LRRTM4: variants seen among roughly 807,000 people sequenced by gnomAD.
LRRTM4 encodes the protein leucine rich repeat transmembrane neuronal 4, also known as leucine-rich repeat transmembrane neuronal protein 4.
LRRTM4 carries 25 observed loss-of-function variants against 47.6 expected under a neutral mutation model. The ratio of observed to expected loss-of-function variants is 0.53; its 90% CI spans 0.38 to 0.73. The LOEUF (loss-of-function observed/expected upper bound fraction) is 0.73, where lower values mean the gene tolerates loss of function less well. Among genes scored for constraint, LRRTM4 ranks in the 30% least tolerant of loss-of-function variants. LRRTM4 has a pLI of 0.00. For missense variants in LRRTM4, 638 were observed against 713.4 expected, an observed-to-expected ratio of 0.89 and a Z score of 1.20; for synonymous variants, 311 against 269.5, an observed-to-expected ratio of 1.15 and a Z score of -1.51.
At chr2:77,395,111 T>C (rs909643551) in intron 3 of LRRTM4, among the ~76,000 whole-genome samples, 1 of 151,952 alleles carries the variant, frequency 6.6e-6, no homozygotes, top group Non-Finnish European at 1.5e-5. Flanking sequence ...GGCATCTTAC[T>C]GGGCCACAAA....
At chr2:76,794,445 ATAGTTGT>A (rs1675150352) in intron 3 of LRRTM4, among the ~76,000 whole-genome samples, 1 of 152,174 alleles carries the variant, frequency 6.6e-6, no homozygotes, top group South Asian at 2.1e-4. Context: ...CTATTTTGTT[ATAGTTGT>A]GAACAATAGT....
intron 3 of LRRTM4, among the ~76,000 whole-genome samples, chr2:77,073,865 C>T (rs1385285796): frequency 6.6e-6 from 1 of 151,788 alleles, no homozygotes; most frequent in Non-Finnish European, 1.5e-5. Context: ...TTCTGGGAAT[C>T]TGGTGAAGCT....
At chr2:77,001,682 G>C (rs1335718086) in intron 3 of LRRTM4, among the ~76,000 whole-genome samples, 1 of 152,040 alleles carries the variant, frequency 6.6e-6, no homozygotes, top group Non-Finnish European at 1.5e-5. Flanking sequence ...GGCCATGTAA[G>C]GTATTCCAAA....
At chr2:77,351,461 T>A (rs1671767403) in intron 3 of LRRTM4, among the ~76,000 whole-genome samples, 1 of 151,798 alleles carries the variant, frequency 6.6e-6, no homozygotes, top group Non-Finnish European at 1.5e-5. Flanking sequence ...CCACCAGCAG[T>A]AGGATAGTTG....
chr2:77,281,124 A>G (rs1676495704), intron 3 of LRRTM4, among the ~76,000 whole-genome samples: 1 of 151,944 alleles, frequency 6.6e-6, no homozygotes, highest in African/African-American at 2.4e-5. Flanking sequence ...CAAGAGTTTC[A>G]TCTGAAATCA....
intron 3 of LRRTM4, among the ~76,000 whole-genome samples, chr2:77,126,205 ATTG>A (rs1399526081): frequency 6.6e-6 from 1 of 152,034 alleles, no homozygotes; most frequent in African/African-American, 2.4e-5. Flanking sequence ...TGCCTTGATT[ATTG>A]TTTATTTAAA....
chr2:77,160,082 A>G (rs2919058), intron 3 of LRRTM4, among the ~76,000 whole-genome samples: 88,031 of 152,042 alleles, frequency 0.58, 28,581 homozygotes, highest in Admixed American at 0.71. Flanking sequence ...CAAGATGCAT[A>G]TCTTCAAACC....
intron 3 of LRRTM4, among the ~76,000 whole-genome samples, chr2:76,776,480 G>A (rs901694329): frequency 9.2e-5 from 14 of 151,974 alleles, no homozygotes; most frequent in Admixed American, 2.6e-4. Context: ...TCTCATTGTG[G>A]TTTTGATTTG....
At chr2:77,385,813 T>C (rs898872548) in intron 3 of LRRTM4, among the ~76,000 whole-genome samples, 24 of 147,054 alleles carry the variant, frequency 1.6e-4, no homozygotes, top group African/African-American at 5.8e-4. Context: ...CGTGGCACGA[T>C]CTCAGCTCGG....
intron 3 of LRRTM4, among the ~76,000 whole-genome samples, chr2:76,830,743 A>G (rs565724457): frequency 1.2e-4 from 18 of 152,178 alleles, no homozygotes; most frequent in Admixed American, 1.1e-3. Context: ...AAAACAAGAA[A>G]TGGGGAGATT....
At chr2:77,258,761 A>T (rs189513772) in intron 3 of LRRTM4, among the ~76,000 whole-genome samples, 18,582 of 151,788 alleles carry the variant, frequency 0.12, 3,811 homozygotes, top group African/African-American at 0.42. Context: ...TTATTTTTAA[A>T]AAAAAAATAC....
intron 3 of LRRTM4, among the ~76,000 whole-genome samples, chr2:77,468,413 G>T (rs1677062595): frequency 6.6e-6 from 1 of 152,018 alleles, no homozygotes; most frequent in Non-Finnish European, 1.5e-5. Flanking sequence ...GACAAGAATG[G>T]GCAAAATAAT....
At chr2:77,169,398 T>C (rs1007522855) in intron 3 of LRRTM4, among the ~76,000 whole-genome samples, 2 of 152,188 alleles carry the variant, frequency 1.3e-5, no homozygotes, top group African/African-American at 4.8e-5. Context: ...GGTGGATTAT[T>C]TTCACAGTCT....
chr2:76,817,785 G>A (rs756263132), intron 3 of LRRTM4, among the ~76,000 whole-genome samples: 3 of 151,932 alleles, frequency 2.0e-5, no homozygotes, highest in African/African-American at 4.8e-5. Context: ...TATTTTTAAC[G>A]ATCCTATCAA....
At chr2:77,211,115 G>T (rs1229231148) in intron 3 of LRRTM4, among the ~76,000 whole-genome samples, 2 of 151,986 alleles carry the variant, frequency 1.3e-5, no homozygotes, top group African/African-American at 4.8e-5. Context: ...AGATAGAGAA[G>T]TGTTGAAAAA....
intron 3 of LRRTM4, among the ~76,000 whole-genome samples, chr2:77,206,472 AC>A (rs1558633202): frequency 1.3e-5 from 2 of 151,808 alleles, no homozygotes; most frequent in Non-Finnish European, 2.9e-5. Flanking sequence ...GATGTAAGCC[AC>A]CATGCTTTGC....
chr2:77,011,831 C>T (rs1677886987), intron 3 of LRRTM4, among the ~76,000 whole-genome samples: 3 of 151,824 alleles, frequency 2.0e-5, no homozygotes, highest in African/African-American at 7.3e-5. Context: ...GTTTCCAGTT[C>T]TTCTGTCCAA....
At chr2:76,822,233 CA>C (rs1671074174) in intron 3 of LRRTM4, among the ~76,000 whole-genome samples, 1 of 151,120 alleles carries the variant, frequency 6.6e-6, no homozygotes, top group African/African-American at 2.4e-5. Context: ...GAGCTAAAAA[CA>C]AGAGATACTA....
chr2:77,115,314 A>G (rs566614026), intron 3 of LRRTM4, among the ~76,000 whole-genome samples: 6 of 152,222 alleles, frequency 3.9e-5, no homozygotes, highest in East Asian at 1.9e-4. Context: ...GTTCTTTTTC[A>G]GGGTGCACTG....
Sources: allele counts gnomAD v4.1 joint callset (sites outside exome capture counted in the v4.1 genomes callset), GRCh38; gene constraint gnomAD v4.1.1; transcripts MANE v1.5; gene names NCBI Gene and HGNC (gene_info 2026-07-23, HGNC 2026-07-21).